BMERB1: variants seen among roughly 807,000 people sequenced by gnomAD.
BMERB1 encodes bMERB domain-containing protein 1.
In BMERB1, 12 loss-of-function variants were observed where a neutral mutation model predicts 23.6. The observed-to-expected ratio is 0.51, with a 90% confidence interval of 0.33 to 0.82. BMERB1 has a LOEUF of 0.82. Among genes scored for constraint, BMERB1 ranks in the 40% least tolerant of loss-of-function variants. BMERB1 has a pLI of 0.03. For missense variants in BMERB1, 247 were observed against 255.4 expected (o/e 0.97, Z 0.22); for synonymous variants, 122 against 96.6 (o/e 1.26, Z -1.54).
chr16:15,576,898 T>A (rs2030875430), intron 3 of BMERB1, among the ~76,000 whole-genome samples: 1 of 152,144 alleles, frequency 6.6e-6, no homozygotes, highest in Non-Finnish European at 1.5e-5. Flanking sequence ...AACAGCTCTC[T>A]CGGTCTCTCT....
At chr16:15,563,937 A>T (rs2030496351) in intron 2 of BMERB1, among the ~76,000 whole-genome samples, 2 of 152,058 alleles carry the variant, frequency 1.3e-5, no homozygotes, top group African/African-American at 4.8e-5. Context: ...GAATAGATTA[A>T]GCTCTTCCTG....
intron 1 of BMERB1, among the ~76,000 whole-genome samples, chr16:15,476,367 T>C (rs2051275032): frequency 6.6e-6 from 1 of 152,174 alleles, no homozygotes; most frequent in Admixed American, 6.5e-5. Context: ...TTCACCATGT[T>C]GGCCAGGCTG....
chr16:15,488,703 C>T (rs1363928527), intron 1 of BMERB1, among the ~76,000 whole-genome samples: 7 of 148,210 alleles, frequency 4.7e-5, no homozygotes, highest in Admixed American at 2.0e-4. Flanking sequence ...ATTAGCTGGG[C>T]GTGGTGGTGG....
At chr16:15,538,406 T>C (rs993449377) in intron 2 of BMERB1, among the ~76,000 whole-genome samples, 8 of 151,784 alleles carry the variant, frequency 5.3e-5, no homozygotes, top group Admixed American at 5.3e-4. Context: ...TGAGCCGAGA[T>C]GTGCCAGTGC....
chr16:15,533,001 C>T (rs991445043), intron 2 of BMERB1: 13 of 455,668 alleles, frequency 2.9e-5, no homozygotes, highest in African/African-American at 2.4e-4. Flanking sequence ...TGCAATCTTG[C>T]ACAAATATCT....
chr16:15,446,946 T>C (rs919881961), intron 1 of BMERB1, among the ~76,000 whole-genome samples: 1 of 152,192 alleles, frequency 6.6e-6, no homozygotes, highest in African/African-American at 2.4e-5. Flanking sequence ...TTTCTTTGAA[T>C]GATCAAGAAG....
chr16:15,444,874 GA>G (rs1320688783), intron 1 of BMERB1, among the ~76,000 whole-genome samples: 18 of 152,148 alleles, frequency 1.2e-4, no homozygotes, highest in African/African-American at 4.3e-4. Context: ...TAACCATGAG[GA>G]ATTATATAAA....
intron 1 of BMERB1, among the ~76,000 whole-genome samples, chr16:15,492,919 AAAAAAAAAG>A (rs1212303705): frequency 6.6e-6 from 1 of 150,778 alleles, no homozygotes; most frequent in Non-Finnish European, 1.5e-5. Flanking sequence ...ATTCCATCTC[AAAAAAAAAG>A]AAAAAAAAGA....
At chr16:15,460,324 T>C (rs1002206364) in intron 1 of BMERB1, among the ~76,000 whole-genome samples, 1 of 152,090 alleles carries the variant, frequency 6.6e-6, no homozygotes, top group Non-Finnish European at 1.5e-5. Flanking sequence ...GGGAACCATC[T>C]TGGCTAGAGA....
intron 2 of BMERB1, among the ~76,000 whole-genome samples, chr16:15,519,336 C>A (rs2051821089): frequency 6.6e-6 from 1 of 152,146 alleles, no homozygotes; most frequent in Non-Finnish European, 1.5e-5. Flanking sequence ...TGAGTCAGCC[C>A]CTATTTCATG....
At chr16:15,554,640 GAAA>G (rs925890070) in intron 2 of BMERB1, among the ~76,000 whole-genome samples, 4 of 131,854 alleles carry the variant, frequency 3.0e-5, no homozygotes, top group Non-Finnish European at 4.9e-5. Flanking sequence ...CTCTAAAAAA[GAAA>G]AAAAAAAGGA....
At chr16:15,440,043 G>C (rs564562867) in intron 1 of BMERB1, among the ~76,000 whole-genome samples, 84 of 151,948 alleles carry the variant, frequency 5.5e-4, no homozygotes, top group Non-Finnish European at 1.0e-3. Flanking sequence ...TCAGCAGTTC[G>C]AGGCCAGCTG....
At chr16:15,534,518 C>T (rs1317772182) in intron 2 of BMERB1, among the ~76,000 whole-genome samples, 1 of 151,988 alleles carries the variant, frequency 6.6e-6, no homozygotes, top group Non-Finnish European at 1.5e-5. Context: ...TGTGCCACTA[C>T]ACTCCAGCCT....
intron 2 of BMERB1, among the ~76,000 whole-genome samples, chr16:15,550,716 T>C (rs2030064728): frequency 6.6e-6 from 1 of 152,116 alleles, no homozygotes; most frequent in African/African-American, 2.4e-5. Flanking sequence ...GACAGCCTGG[T>C]ATATCTGGGT....
intron 2 of BMERB1, among the ~76,000 whole-genome samples, chr16:15,566,366 C>T (rs934045416): frequency 6.6e-6 from 1 of 152,180 alleles, no homozygotes; most frequent in East Asian, 1.9e-4. Context: ...TTGGAAATTC[C>T]TACTACAATG....
chr16:15,501,287 CTTTTTTTTTT>C (rs71152437), intron 1 of BMERB1, among the ~76,000 whole-genome samples: 1 of 64,922 alleles, frequency 1.5e-5, no homozygotes. Flanking sequence ...GCTCTTTTTA[CTTTTTTTTTT>C]TTTTTTTTTT....
chr16:15,451,790 G>C (rs920839665), intron 1 of BMERB1, among the ~76,000 whole-genome samples: 1 of 134,460 alleles, frequency 7.4e-6, no homozygotes, highest in Non-Finnish European at 1.5e-5. Context: ...TGCCCAGACT[G>C]GTCTTGGACT....
intron 3 of BMERB1, among the ~76,000 whole-genome samples, chr16:15,576,407 CG>C (rs2030861777): frequency 6.6e-6 from 1 of 152,162 alleles, no homozygotes; most frequent in African/African-American, 2.4e-5. Flanking sequence ...GGTTAGGAAC[CG>C]CCAGGCCTGT....
chr16:15,499,711 T>C (rs964011767), intron 1 of BMERB1, among the ~76,000 whole-genome samples: 6 of 152,194 alleles, frequency 3.9e-5, no homozygotes, highest in Non-Finnish European at 2.9e-5. Context: ...TCTGAGGCCC[T>C]GGACATTTCT....
Sources: gnomAD v4.1 joint callset for allele counts (sites outside exome capture counted in the v4.1 genomes callset) on GRCh38, gnomAD v4.1.1 for gene constraint, MANE v1.5 for transcripts, NCBI Gene and HGNC (gene_info 2026-07-23, HGNC 2026-07-21) for gene names.